The following LRRC4C variants were observed in gnomAD, a reference collection of about 807,000 sequenced individuals.
LRRC4C encodes the protein leucine rich repeat containing 4C, also known as leucine-rich repeat-containing protein 4C.
LRRC4C carries 5 observed loss-of-function variants against 33.6 expected under a neutral mutation model. The ratio of observed to expected loss-of-function variants is 0.15; its 90% CI spans 0.08 to 0.31. The LOEUF is 0.31. Among genes scored for constraint, LRRC4C ranks in the 10% least tolerant of loss-of-function variants. LRRC4C has a pLI of 1.00. For missense variants in LRRC4C, 560 were observed against 796.7 expected (o/e 0.70, Z 3.58); for synonymous variants, 329 against 302.0 (o/e 1.09, Z -0.93).
At chr11:40,440,845 C>T (rs556927792) in intron 3 of LRRC4C, among the ~76,000 whole-genome samples, 33 of 143,264 alleles carry the variant, frequency 2.3e-4, no homozygotes, top group Middle Eastern at 3.5e-3. Context: ...TGCACAGCTG[C>T]AATCTCTTAG....
chr11:40,832,949 A>C (rs886635414), intron 2 of LRRC4C, among the ~76,000 whole-genome samples: 1 of 152,160 alleles, frequency 6.6e-6, no homozygotes, highest in African/African-American at 2.4e-5. Flanking sequence ...GCAGCTCAAC[A>C]CAAGCATAAG....
At chr11:40,575,222 A>G (rs1269271111) in intron 3 of LRRC4C, among the ~76,000 whole-genome samples, 1 of 152,178 alleles carries the variant, frequency 6.6e-6, no homozygotes, top group Non-Finnish European at 1.5e-5. Context: ...AGCAAACAAA[A>G]AAATAAAATA....
At chr11:40,673,230 G>A (rs1453325508) in intron 2 of LRRC4C, among the ~76,000 whole-genome samples, 2 of 151,960 alleles carry the variant, frequency 1.3e-5, no homozygotes, top group Non-Finnish European at 2.9e-5. Flanking sequence ...AAACATTTTG[G>A]AGAAAAAGTA....
intron 1 of LRRC4C, among the ~76,000 whole-genome samples, chr11:40,963,951 A>G (rs116374941): frequency 0.03 from 4,538 of 151,784 alleles, 228 homozygotes; most frequent in African/African-American, 0.1. Flanking sequence ...TATGAATGAG[A>G]AACATTTGGT....
intron 3 of LRRC4C, among the ~76,000 whole-genome samples, chr11:40,560,442 T>TTGTGTGTGTGTGTGTGTGTGTGTGTG: frequency 6.7e-6 from 1 of 149,414 alleles, no homozygotes; most frequent in South Asian, 2.1e-4. Flanking sequence ...GTGCCTGTGT[T>TTGTGTGTGTGTGTGTGTGTGTGTGTG]TGTGTGTGTG....
chr11:40,483,417 A>T (rs1953692686), intron 3 of LRRC4C, among the ~76,000 whole-genome samples: 1 of 152,210 alleles, frequency 6.6e-6, no homozygotes, highest in Non-Finnish European at 1.5e-5. Context: ...GAGCTCTCCC[A>T]AGTCTTGCTG....
chr11:41,264,821 G>A (rs541762481), intron 1 of LRRC4C, among the ~76,000 whole-genome samples: 4 of 152,198 alleles, frequency 2.6e-5, no homozygotes, highest in South Asian at 4.2e-4. Context: ...ATACACTTGC[G>A]TACAACCATG....
At chr11:40,530,950 C>A (rs749614857) in intron 3 of LRRC4C, among the ~76,000 whole-genome samples, 52 of 151,962 alleles carry the variant, frequency 3.4e-4, no homozygotes, top group Admixed American at 5.9e-4. Context: ...TTCAGTAATT[C>A]GGTATTGTTA....
intron 1 of LRRC4C, among the ~76,000 whole-genome samples, chr11:40,973,376 A>C (rs1233233741): frequency 2.0e-5 from 3 of 152,180 alleles, no homozygotes; most frequent in Admixed American, 1.3e-4. Context: ...AAACCAAAAA[A>C]ACAAGAAATA....
At chr11:41,114,600 C>A (rs1942021191) in intron 1 of LRRC4C, among the ~76,000 whole-genome samples, 1 of 152,006 alleles carries the variant, frequency 6.6e-6, no homozygotes. Flanking sequence ...TCCTCATAAT[C>A]TCCCTTTTTT....
Position 40,687,648 on chromosome 11 carries a change from A to C in LRRC4C, c.-406-39370T>G, listed in dbSNP as rs1423761505. Among the ~76,000 whole-genome samples the C allele has an allele frequency of 3.3e-5, 5 of 152,262 alleles. No homozygotes were observed. The East Asian group carries it at 9.6e-4, about 29-fold the overall frequency. ...TCCAATTGTACATAAGTATTAATAT[A>C]TGAGAAATGCTAAACTTTGTCTTTC... On this transcript the variant is annotated intron_variant, in intron 2 of 6. Transcript: ENST00000528697.
At position 40,231,146 on chromosome 11, in the gene LRRC4C, G is replaced by A. The variant is rs1395909900; in HGVS notation, c.-96+10373C>T. ...ACTCTGGAGGCTGAGGTGAGAGGAT[G>A]TCTTGAGCCCAAAAGTTCAAGACCA... On this transcript the variant is annotated intron_variant, in intron 5 of 6. Coordinates refer to ENST00000528697, the MANE Select transcript of LRRC4C (RefSeq NM_001258419.2). Among the ~76,000 whole-genome samples, 3 of 152,206 alleles carry A rather than the reference G, an allele frequency of 2.0e-5. No homozygotes were observed. The East Asian group carries it at 5.8e-4, about 29-fold the overall frequency.
chr11:40,647,719 C>G (rs1340047236), intron 3 of LRRC4C, among the ~76,000 whole-genome samples: 2 of 152,170 alleles, frequency 1.3e-5, no homozygotes, highest in South Asian at 2.1e-4. Context: ...AATGATTGAA[C>G]CACTGCCCCA....
intron 2 of LRRC4C, among the ~76,000 whole-genome samples, chr11:40,768,587 C>A (rs1949596613): frequency 6.6e-6 from 1 of 152,086 alleles, no homozygotes; most frequent in South Asian, 2.1e-4. Context: ...CAAAAATCCT[C>A]AATAAAACAC....
chr11:40,566,324 G>A (rs945358154), intron 3 of LRRC4C, among the ~76,000 whole-genome samples: 2 of 151,808 alleles, frequency 1.3e-5, no homozygotes, highest in South Asian at 4.1e-4. Flanking sequence ...GACTTTTAGA[G>A]TTGCTCCTCG....
intron 1 of LRRC4C, among the ~76,000 whole-genome samples, chr11:41,270,034 T>A (rs1380732830): frequency 1.3e-5 from 2 of 152,120 alleles, no homozygotes; most frequent in Non-Finnish European, 2.9e-5. Context: ...TCTCTGAGCC[T>A]CAGCTGTTTC....
At chr11:40,352,312 C>T (rs1159930756) in intron 3 of LRRC4C, among the ~76,000 whole-genome samples, 1 of 151,718 alleles carries the variant, frequency 6.6e-6, no homozygotes, top group African/African-American at 2.4e-5. Context: ...TCCTATAAAC[C>T]ATTATTTTAA....
intron 5 of LRRC4C, among the ~76,000 whole-genome samples, chr11:40,240,378 A>T (rs926722600): frequency 2.0e-5 from 3 of 152,178 alleles, no homozygotes; most frequent in African/African-American, 7.2e-5. Context: ...AATGGTTTGA[A>T]GACGCAGACA....
At chr11:40,826,729 A>G (rs1473608908) in intron 2 of LRRC4C, among the ~76,000 whole-genome samples, 1 of 151,950 alleles carries the variant, frequency 6.6e-6, no homozygotes, top group Non-Finnish European at 1.5e-5. Flanking sequence ...AGTAGTCCTG[A>G]TATCTTGAAT....
Sources: gnomAD v4.1 joint callset for allele counts (sites outside exome capture counted in the v4.1 genomes callset) on GRCh38, gnomAD v4.1.1 for gene constraint, MANE v1.5 for transcripts, NCBI Gene and HGNC (gene_info 2026-07-23, HGNC 2026-07-21) for gene names.